The following REV1 variants were observed in gnomAD, a reference collection of about 807,000 sequenced individuals.
The protein encoded by REV1 is translesion synthesis protein REV1.
In REV1, 42 loss-of-function variants were observed where a neutral mutation model predicts 137.4. The observed-to-expected ratio is 0.31, with a 90% CI of 0.24 to 0.40. The LOEUF is 0.40. REV1 is among the 10% of genes least tolerant of loss of function. The pLI is 1.00. For synonymous variants in REV1, 524 were observed against 519.2 expected (o/e 1.01, Z -0.12); for missense variants, 1,282 against 1,490.1 (o/e 0.86, Z 2.30).
intron 12 of REV1, among the ~76,000 whole-genome samples, chr2:99,417,227 C>A (rs1412170324): frequency 6.6e-6 from 1 of 152,046 alleles, no homozygotes; most frequent in African/African-American, 2.4e-5. Context: ...GCAACCTCTG[C>A]CTCTCGGGCT....
At chr2:99,417,439 C>T (rs933520394) in intron 12 of REV1, among the ~76,000 whole-genome samples, 3 of 152,056 alleles carry the variant, frequency 2.0e-5, no homozygotes, top group African/African-American at 4.8e-5. Flanking sequence ...TCACCATGCC[C>T]GGCCACAGTG....
Position 99,408,365 on chromosome 2 carries a change from C to T in REV1, c.2346-234G>A, listed in dbSNP as rs1477455959. 6.3e-5 allele frequency: 20 copies of T among 317,890 alleles called. No homozygotes were observed. The South Asian group carries it at 1.5e-3, about 24-fold the overall frequency. 19.7% of individuals were successfully genotyped at this position (317,890 alleles called of 1,614,324 possible). On this transcript the variant is annotated intron_variant, in intron 14 of 22. Coordinates refer to ENST00000258428, the MANE Select transcript of REV1 (RefSeq NM_016316.4). ...AACACTAGAACTTTAAGGTAAAAAC[C>T]GTAATGGACACTTAGGTCAACTAAA... is the stretch of plus-strand genomic sequence containing the variant.
In REV1 at chr2:99,423,665, G is replaced by T. The variant is rs890991105; in HGVS notation, c.1676+487C>A. Among the ~76,000 whole-genome samples the T allele has an allele frequency of 5.3e-5, 8 of 152,168 alleles. No homozygotes were observed. In the East Asian group the frequency reaches 1.4e-3, roughly 26 times the overall value. ...CTCAAGCCAACTCATCAACCATTTTGAAACTATTATTAAAGACCCACTTTT... is the reference window on the plus strand; with the variant it reads ...CTCAAGCCAACTCATCAACCATTTTTAAACTATTATTAAAGACCCACTTTT... On this transcript the variant is annotated intron_variant, in intron 10 of 22. Coordinates refer to ENST00000258428, the MANE Select transcript of REV1 (RefSeq NM_016316.4).
chr2:99,442,419 T>G lies in REV1; in HGVS notation c.401A>C (p.Lys134Thr), dbSNP rs939194185. ...LSYIPYQLYT[K>T]QSSVQKGLSF... The stretch of plus-strand genomic sequence containing the variant: ...GAGACCTTTCTGCACACTGGACTGC[T>G]TGGTGTACAGCTGATATGGAATGTA... The change falls in exon 5 of 23, where the codon AAG becomes ACG. Residue 134 changes from lysine (K) to threonine (T), a missense_variant. Coordinates refer to ENST00000258428, the MANE Select transcript of REV1 (RefSeq NM_016316.4). 6 of 1,613,976 alleles carry G rather than the reference T, an allele frequency of 3.7e-6. No individual in the cohort carries two copies. In the Admixed American group the frequency reaches 6.7e-5, roughly 18 times the overall value.
At position 99,454,766 on chromosome 2, in the gene REV1, A is replaced by G. The variant is rs530421063; in HGVS notation, c.182-5262T>C. Among the ~76,000 whole-genome samples, 3 of 152,128 alleles carry G rather than the reference A, an allele frequency of 2.0e-5. No homozygotes were observed. The South Asian group carries it at 6.2e-4, about 32-fold the overall frequency. ...ATAAACAAATAAATAAAATTCCACA[A>G]TACTCCTACTATTAGTTTTATTTTG... On this transcript the variant is annotated intron_variant, in intron 3 of 22. Transcript: ENST00000258428.
chr2:99,424,992 G>A, intron 9 of REV1: 3 of 848,236 alleles, frequency 3.5e-6, no homozygotes, highest in Admixed American at 4.1e-5. Context: ...TATAATTATG[G>A]AATTATACAT....
chr2:99,480,671 C>A (rs1261610823), intron 1 of REV1, among the ~76,000 whole-genome samples: 1 of 152,146 alleles, frequency 6.6e-6, no homozygotes, highest in African/African-American at 2.4e-5. Context: ...AGAGCAACTG[C>A]AATTCAAAAA....
intron 1 of REV1, among the ~76,000 whole-genome samples, chr2:99,471,889 T>TAAAAA (rs947603744): frequency 1.1e-4 from 10 of 93,422 alleles, no homozygotes; most frequent in South Asian, 3.3e-4. Flanking sequence ...TAGCTACTAT[T>TAAAAA]AAAAAAAAAA....
Position 99,422,272 on chromosome 2 carries a change from G to T in REV1, c.1677-619C>A, listed in dbSNP as rs1345672705. On this transcript the variant is annotated intron_variant, in intron 10 of 22. Coordinates refer to ENST00000258428, the MANE Select transcript of REV1 (RefSeq NM_016316.4). ...ATCTCATAGGATCTATCCACAAAAA[G>T]GATTTGTTTTAATTAGAGAAAAGAA... 2.0e-5 allele frequency among the ~76,000 whole-genome samples: 3 copies of T among 152,118 alleles called. No individual in the cohort carries two copies. The East Asian group carries it at 5.8e-4, about 29-fold the overall frequency.
intron 1 of REV1, among the ~76,000 whole-genome samples, chr2:99,467,597 C>T (rs1293111899): frequency 1.3e-5 from 2 of 152,146 alleles, no homozygotes; most frequent in Non-Finnish European, 2.9e-5. Context: ...TTCTGACAAA[C>T]AGTGCTAGGA....
Position 99,449,441 on chromosome 2 carries a change from T to A in REV1, c.245A>T (p.Tyr82Phe), listed in dbSNP as rs1682662436. Residue 82 changes from tyrosine to phenylalanine, a missense_variant, in exon 4 of 23, where the codon TAT becomes TTT. Around this residue, in one of 7 missense-constraint regions of REV1, gnomAD observed 107 missense variants for 164.3 expected, o/e 0.65. Coordinates refer to ENST00000258428, the MANE Select transcript of REV1 (RefSeq NM_016316.4). ...MLHGGQYHVY[Y>F]SRSKTTHIIA... ...AATATGTGTTGTTTTAGATCTGGAA[T>A]AATATACATGGTATTGACCTCCATG... The A allele has an allele frequency of 1.3e-6, 2 of 1,570,386 alleles. No individual in the cohort carries two copies. The highest frequency in any genetic ancestry group is 2.7e-5 in the African/African-American group (2 of 72,892).
intron 3 of REV1, chr2:99,451,554 A>C: frequency 8.5e-7 from 1 of 1,178,804 alleles, no homozygotes; most frequent in Non-Finnish European, 1.1e-6. Context: ...ATCTGAGTTT[A>C]ATCTTAGCTT....
chr2:99,452,891 G>A (rs1683085315), intron 3 of REV1, among the ~76,000 whole-genome samples: 1 of 152,218 alleles, frequency 6.6e-6, no homozygotes, highest in African/African-American at 2.4e-5. Flanking sequence ...AATGACTAAG[G>A]TCAAATCCTG....
chr2:99,415,065 G>A (rs74368292), intron 12 of REV1, among the ~76,000 whole-genome samples: 1,994 of 152,286 alleles, frequency 0.013, 43 homozygotes, highest in African/African-American at 0.045. Context: ...GGCCTGAACC[G>A]GAGGTGGGGG....
At chr2:99,434,564 A>G (rs1007139423) in intron 7 of REV1, 116 bp from the exon 8 acceptor site, 1 of 532,486 alleles carries the variant, frequency 1.9e-6, no homozygotes, top group African/African-American at 2.0e-5. Flanking sequence ...AGCTTTACTT[A>G]GACATTAATC....
intron 8 of REV1, among the ~76,000 whole-genome samples, chr2:99,430,787 TA>T (rs1270143757): frequency 6.6e-6 from 1 of 151,962 alleles, no homozygotes; most frequent in Non-Finnish European, 1.5e-5. Context: ...AATTGAGAAA[TA>T]AATTAAAACA....
intron 19 of REV1, 42 bp downstream of exon 19, chr2:99,403,653 T>A (rs1378955889): frequency 6.2e-7 from 1 of 1,613,496 alleles, no homozygotes; most frequent in South Asian, 1.1e-5. Context: ...ACTCCATTAC[T>A]CTTTGTCTTC....
chr2:99,404,486 A>G lies in REV1; in HGVS notation c.3003T>C (p.Ser1001=). ...LQIPEPQESN[S]DAGINLIALP... Reference sequence around the variant, plus strand: ...GGGCTATTAAATTTATTCCTGCGTCACTGTTCGATTCTTGAGGTTCTGGTA... The same window carrying G: ...GGGCTATTAAATTTATTCCTGCGTCGCTGTTCGATTCTTGAGGTTCTGGTA... Residue 1001 remains serine (S), a synonymous_variant, in exon 18 of 23, where the codon AGT becomes AGC. Transcript: ENST00000258428. 1 of 1,614,110 alleles carries G rather than the reference A, an allele frequency of 6.2e-7. No homozygotes were observed.
At chr2:99,483,944 T>C (rs943230005) in intron 1 of REV1, among the ~76,000 whole-genome samples, 3 of 152,180 alleles carry the variant, frequency 2.0e-5, no homozygotes, top group African/African-American at 7.2e-5. Context: ...TTCTGAGGTG[T>C]TGAGAAGCCA....
Sources: gnomAD v4.1 joint callset for allele counts (sites outside exome capture counted in the v4.1 genomes callset) on GRCh38, gnomAD v4.1.1 for gene constraint, gnomAD v4.1.1 regional missense constraint, MANE v1.5 for transcripts, NCBI Gene and HGNC (gene_info 2026-07-23, HGNC 2026-07-21) for gene names.